Variants in LUZP1 observed in about 807,000 individuals in gnomAD.
LUZP1 encodes the protein leucine zipper protein 1, also known as filamin mechanobinding actin cross-linking protein.
A neutral mutation model predicts 71.3 loss-of-function variants in LUZP1; 25 were observed. The observed-to-expected ratio is 0.35, with a 90% CI of 0.26 to 0.49. The LOEUF is 0.49. LUZP1 is among the 20% of genes least tolerant of loss of function. The pLI is 0.99. For missense variants in LUZP1, 1,142 were observed against 1,300.8 expected (o/e 0.88, Z 1.88); for synonymous variants, 481 against 506.4 (o/e 0.95, Z 0.67).
chr1:23,110,970 C>G (rs951277110), intron 2 of LUZP1, among the ~76,000 whole-genome samples: 11 of 151,928 alleles, frequency 7.2e-5, no homozygotes, highest in African/African-American at 2.7e-4. Flanking sequence ...GCGGCCAAGG[C>G]GGGCAGATCA....
exon 5 of LUZP1, chr1:23,087,760 T>C (rs889662276): frequency 6.5e-6 from 1 of 152,692 alleles, no homozygotes; most frequent in Admixed American, 6.5e-5. Flanking sequence ...TTTTGAACTA[T>C]ATAAAGCTGA....
intron 2 of LUZP1, among the ~76,000 whole-genome samples, chr1:23,143,735 A>C (rs1644322727): frequency 6.6e-6 from 1 of 152,240 alleles, no homozygotes; most frequent in South Asian, 2.1e-4. Flanking sequence ...ACAGTAATAC[A>C]TCCCAGCATT....
chr1:23,143,015 C>CT (rs1417151768), intron 2 of LUZP1, among the ~76,000 whole-genome samples: 1 of 150,120 alleles, frequency 6.7e-6, no homozygotes, highest in Non-Finnish European at 1.5e-5. Context: ...TTTTTTTTTT[C>CT]TTTTTTGTTT....
intron 3 of LUZP1, among the ~76,000 whole-genome samples, chr1:23,104,934 T>G (rs1643968828): frequency 6.6e-6 from 1 of 152,192 alleles, no homozygotes; most frequent in African/African-American, 2.4e-5. Context: ...GCCCTACTTT[T>G]ATATATAATC....
intron 1 of LUZP1, among the ~76,000 whole-genome samples, chr1:23,172,020 C>T (rs895825730): frequency 5.3e-5 from 8 of 152,142 alleles, no homozygotes; most frequent in African/African-American, 1.9e-4. Flanking sequence ...GGTCTCTGCA[C>T]CTCAGTTTCT....
intron 3 of LUZP1, among the ~76,000 whole-genome samples, chr1:23,108,045 A>G (rs927025611): frequency 4.6e-5 from 7 of 152,066 alleles, no homozygotes; most frequent in African/African-American, 1.7e-4. Context: ...TCTAACTATC[A>G]TCCAGCTATC....
intron 3 of LUZP1, among the ~76,000 whole-genome samples, chr1:23,097,446 C>T (rs566516201): frequency 2.0e-5 from 3 of 152,248 alleles, no homozygotes; most frequent in Admixed American, 6.5e-5. Flanking sequence ...GCAGTACATG[C>T]GTTCCAAGAG....
At chr1:23,141,324 C>T (rs1467429304) in intron 2 of LUZP1, among the ~76,000 whole-genome samples, 2 of 152,176 alleles carry the variant, frequency 1.3e-5, no homozygotes, top group African/African-American at 4.8e-5. Context: ...GGGCAGTGCC[C>T]TCCCAGTGTA....
At chr1:23,096,180 A>G (rs1433705755) in intron 3 of LUZP1, among the ~76,000 whole-genome samples, 1 of 152,090 alleles carries the variant, frequency 6.6e-6, no homozygotes, top group African/African-American at 2.4e-5. Flanking sequence ...AACAAAGATC[A>G]GAAGATCTGA....
chr1:23,092,673 G>A (rs746590274), exon 4 of LUZP1: 1 of 1,614,136 alleles, frequency 6.2e-7, no homozygotes, highest in Non-Finnish European at 8.5e-7. Context: ...GGTGTCAGAA[G>A]CCTTGTCAGC....
chr1:23,126,013 CCA>C (rs1644169340), intron 2 of LUZP1, among the ~76,000 whole-genome samples: 2 of 152,126 alleles, frequency 1.3e-5, no homozygotes, highest in Non-Finnish European at 2.9e-5. Flanking sequence ...GTTACAGAGC[CCA>C]CAGACTGTGC....
chr1:23,104,907 T>C (rs913708484), intron 3 of LUZP1, among the ~76,000 whole-genome samples: 1 of 152,194 alleles, frequency 6.6e-6, no homozygotes, highest in Non-Finnish European at 1.5e-5. Flanking sequence ...AGAAGGACTA[T>C]GGCTAAGAGG....
At chr1:23,124,043 C>T (rs753323440) in intron 2 of LUZP1, among the ~76,000 whole-genome samples, 1 of 152,118 alleles carries the variant, frequency 6.6e-6, no homozygotes, top group Non-Finnish European at 1.5e-5. Flanking sequence ...ATAATCTACA[C>T]TCTCAGAAAA....
At chr1:23,096,779 C>G (rs891384654) in intron 3 of LUZP1, among the ~76,000 whole-genome samples, 1 of 151,982 alleles carries the variant, frequency 6.6e-6, no homozygotes, top group African/African-American at 2.4e-5. Flanking sequence ...TCAAGACCAG[C>G]CTGAACAACA....
At chr1:23,114,605 T>A (rs1334653007) in intron 2 of LUZP1, among the ~76,000 whole-genome samples, 2 of 152,246 alleles carry the variant, frequency 1.3e-5, no homozygotes, top group Non-Finnish European at 2.9e-5. Flanking sequence ...AAACATAAGC[T>A]GCAGAAGACA....
At chr1:23,109,680 A>G (rs756510230) in intron 2 of LUZP1, 3 of 152,228 alleles carry the variant, frequency 2.0e-5, no homozygotes, top group Non-Finnish European at 2.9e-5. Flanking sequence ...CCTTCAGGCT[A>G]TATGTATAAG....
intron 3 of LUZP1, among the ~76,000 whole-genome samples, chr1:23,102,916 T>C (rs1188559903): frequency 6.6e-6 from 1 of 152,188 alleles, no homozygotes; most frequent in East Asian, 1.9e-4. Context: ...TCATTTCATT[T>C]CATTTTTCAT....
At chr1:23,164,792 G>T (rs1644497049) in intron 2 of LUZP1, among the ~76,000 whole-genome samples, 1 of 152,110 alleles carries the variant, frequency 6.6e-6, no homozygotes, top group Non-Finnish European at 1.5e-5. Context: ...TGTCATAGGT[G>T]GAAGGGCAAG....
At chr1:23,164,292 G>C (rs1385336738) in intron 2 of LUZP1, among the ~76,000 whole-genome samples, 1 of 152,128 alleles carries the variant, frequency 6.6e-6, no homozygotes, top group Non-Finnish European at 1.5e-5. Context: ...TCAGGAGATC[G>C]AGACCATCCT....
Sources: gnomAD v4.1 joint callset for allele counts (sites outside exome capture counted in the v4.1 genomes callset) on GRCh38, gnomAD v4.1.1 for gene constraint, MANE v1.5 for transcripts, NCBI Gene and HGNC (gene_info 2026-07-23, HGNC 2026-07-21) for gene names.